Variants in TMEM87B observed in about 807,000 individuals in gnomAD.
TMEM87B encodes the protein transmembrane protein 87B.
Under a neutral mutation model 80.3 loss-of-function variants are expected in TMEM87B, and 83 were observed. The ratio of observed to expected loss-of-function variants is 1.03; its 90% confidence interval spans 0.87 to 1.24. The LOEUF is 1.24. TMEM87B is among the 50% of genes most tolerant of loss of function. The pLI is 0.00. For synonymous variants in TMEM87B, 219 were observed against 230.5 expected (o/e 0.95, Z 0.45); for missense variants, 625 against 674.4 (o/e 0.93, Z 0.81).
At chr2:112,095,210 TTTG>T (rs1679431281) in intron 11 of TMEM87B, 2 of 784,514 alleles carry the variant, frequency 2.5e-6, no homozygotes. Context: ...TTTTTTTTTT[TTTG>T]CTGTTTTGCT....
chr2:112,081,215 A>G (rs1678986450), intron 7 of TMEM87B, 97 bp downstream of exon 7: 2 of 1,434,400 alleles, frequency 1.4e-6, no homozygotes, highest in Non-Finnish European at 1.9e-6. Flanking sequence ...GCTTTGACAT[A>G]TCCTGTATTT....
At chr2:112,081,770 G>A (rs192738303) in intron 8 of TMEM87B, among the ~76,000 whole-genome samples, 13 of 152,216 alleles carry the variant, frequency 8.5e-5, no homozygotes, top group African/African-American at 2.6e-4. Flanking sequence ...TAAAAGTCCC[G>A]TTTCCTAAGG....
intron 5 of TMEM87B, among the ~76,000 whole-genome samples, chr2:112,075,296 A>C (rs1678774695): frequency 6.6e-6 from 1 of 152,114 alleles, no homozygotes; most frequent in African/African-American, 2.4e-5. Context: ...GCTACTTGGG[A>C]GGCTGAGGCA....
chr2:112,078,671 G>A (rs544712659), intron 6 of TMEM87B, among the ~76,000 whole-genome samples: 14 of 152,334 alleles, frequency 9.2e-5, no homozygotes, highest in African/African-American at 3.4e-4. Context: ...CCTGACACCA[G>A]CGGGCAGTTT....
intron 6 of TMEM87B, among the ~76,000 whole-genome samples, chr2:112,078,659 C>A (rs1349053016): frequency 6.6e-6 from 1 of 152,176 alleles, no homozygotes; most frequent in South Asian, 2.1e-4. Flanking sequence ...TGTGTCTTTT[C>A]CCCTGACACC....
intron 2 of TMEM87B, among the ~76,000 whole-genome samples, chr2:112,062,934 C>A (rs1018469187): frequency 3.9e-5 from 6 of 152,138 alleles, no homozygotes; most frequent in African/African-American, 1.4e-4. Flanking sequence ...GGCAGGCTGC[C>A]CTTCAGCCAG....
intron 15 of TMEM87B, among the ~76,000 whole-genome samples, chr2:112,105,057 T>C (rs1679728052): frequency 2.6e-5 from 4 of 152,116 alleles, no homozygotes. Context: ...GTTAACTGTA[T>C]TGATTGGCAT....
At chr2:112,059,924 G>A in intron 1 of TMEM87B, 53 bp from the exon 2 acceptor site, 1 of 1,574,690 alleles carries the variant, frequency 6.4e-7, no homozygotes, top group Non-Finnish European at 8.7e-7. Context: ...GGGTAAAACA[G>A]TTGCAAAAAA....
chr2:112,070,343 A>G (rs539733302), intron 4 of TMEM87B, among the ~76,000 whole-genome samples: 9 of 152,280 alleles, frequency 5.9e-5, no homozygotes, highest in African/African-American at 2.2e-4. Context: ...TCTTGAGTTG[A>G]TTTTTGTATA....
intron 1 of TMEM87B, among the ~76,000 whole-genome samples, chr2:112,056,042 C>A (rs1475025646): frequency 6.6e-6 from 1 of 152,142 alleles, no homozygotes; most frequent in Non-Finnish European, 1.5e-5. Flanking sequence ...ACGCCGTGGC[C>A]CTCATTCTGC....
intron 6 of TMEM87B, among the ~76,000 whole-genome samples, chr2:112,080,227 C>A (rs1393955814): frequency 6.6e-6 from 1 of 150,380 alleles, no homozygotes; most frequent in Non-Finnish European, 1.5e-5. Flanking sequence ...TAACGCCCAG[C>A]CCCTTGCCCA....
intron 14 of TMEM87B, 34 bp downstream of exon 14, chr2:112,098,732 A>T (rs1679545513): frequency 6.3e-7 from 1 of 1,593,968 alleles, no homozygotes; most frequent in East Asian, 2.2e-5. Flanking sequence ...GTCGTCAAGG[A>T]TTTGTTGATC....
intron 1 of TMEM87B, 40 bp from the exon 2 acceptor site, chr2:112,059,937 C>T (rs1266047075): frequency 1.9e-6 from 3 of 1,582,178 alleles, no homozygotes; most frequent in African/African-American, 1.4e-5. Context: ...GCAAAAAAAA[C>T]TTTCTAACAA....
chr2:112,109,812 A>C (rs1169544695), intron 17 of TMEM87B, among the ~76,000 whole-genome samples: 2 of 128,544 alleles, frequency 1.6e-5, no homozygotes, highest in Non-Finnish European at 3.1e-5. Flanking sequence ...CCCAGGGTGG[A>C]GTGCAGTGCA....
chr2:112,056,175 GC>G (rs1443332998), intron 1 of TMEM87B, among the ~76,000 whole-genome samples: 1 of 152,018 alleles, frequency 6.6e-6, no homozygotes, highest in African/African-American at 2.4e-5. Flanking sequence ...GGGAGGACTT[GC>G]CAGCGCTTCA....
intron 15 of TMEM87B, among the ~76,000 whole-genome samples, chr2:112,101,036 A>C (rs550819717): frequency 6.6e-6 from 1 of 152,286 alleles, no homozygotes; most frequent in South Asian, 2.1e-4. Context: ...TGCTCTTTTT[A>C]AAGTATGCAC....
intron 6 of TMEM87B, 83 bp downstream of exon 6, chr2:112,077,365 G>T: frequency 1.7e-6 from 1 of 594,220 alleles, no homozygotes; most frequent in South Asian, 3.5e-5. Flanking sequence ...AACATTCTCT[G>T]TTTCAAATAC....
At chr2:112,086,158 G>A (rs1007989069) in intron 9 of TMEM87B, 54 bp downstream of exon 9, 30 of 1,405,094 alleles carry the variant, frequency 2.1e-5, no homozygotes, top group African/African-American at 2.8e-5. Context: ...GATTCAGTCC[G>A]TCTACATTAT....
chr2:112,066,361 A>G (rs1425131590), intron 3 of TMEM87B, among the ~76,000 whole-genome samples: 4 of 152,006 alleles, frequency 2.6e-5, no homozygotes, highest in African/African-American at 9.7e-5. Context: ...TACTGTTTTT[A>G]TATATTTTGC....
Sources: gnomAD v4.1 joint callset for allele counts (sites outside exome capture counted in the v4.1 genomes callset) on GRCh38, gnomAD v4.1.1 for gene constraint, MANE v1.5 for transcripts, NCBI Gene and HGNC (gene_info 2026-07-23, HGNC 2026-07-21) for gene names.